LRP1B: variants seen among roughly 807,000 people sequenced by gnomAD.
LRP1B encodes low-density lipoprotein receptor-related protein 1B.
LRP1B carries 217 observed loss-of-function variants against 556.6 expected under a neutral mutation model. That is an observed-to-expected ratio of 0.39 (90% CI 0.35 to 0.44). The LOEUF (loss-of-function observed/expected upper bound fraction) is 0.44, where lower values mean the gene tolerates loss of function less well. LRP1B is among the 20% of genes least tolerant of loss of function. The pLI is 1.00. For synonymous variants in LRP1B, 2,047 were observed against 1,865.8 expected, an observed-to-expected ratio of 1.10 and a Z score of -2.50; for missense variants, 5,053 against 5,620.8, an observed-to-expected ratio of 0.90 and a Z score of 3.23.
chr2:140,419,638 A>G (rs887632117), intron 66 of LRP1B, among the ~76,000 whole-genome samples: 11 of 152,220 alleles, frequency 7.2e-5, no homozygotes, highest in African/African-American at 2.7e-4. Flanking sequence ...AAGACAAACA[A>G]AAAGCTGGAA....
chr2:140,703,145 C>G (rs911166468), intron 37 of LRP1B, among the ~76,000 whole-genome samples: 3 of 151,998 alleles, frequency 2.0e-5, no homozygotes, highest in Admixed American at 6.6e-5. Flanking sequence ...TCTATTTTTT[C>G]TACTTAGACT....
At chr2:140,534,194 C>T in intron 46 of LRP1B, 54 bp from the exon 47 acceptor site, 2 of 1,504,574 alleles carry the variant, frequency 1.3e-6, no homozygotes, top group Non-Finnish European at 1.8e-6. Flanking sequence ...AATATTTGTA[C>T]AAAATGAAAA....
intron 35 of LRP1B, among the ~76,000 whole-genome samples, chr2:140,735,665 T>C (rs1296855244): frequency 6.6e-6 from 1 of 152,176 alleles, no homozygotes. Flanking sequence ...CAGTCTTCCC[T>C]ATGCTAGTAC....
chr2:140,880,565 G>A (rs1342217606), intron 25 of LRP1B, among the ~76,000 whole-genome samples: 1 of 152,044 alleles, frequency 6.6e-6, no homozygotes, highest in Non-Finnish European at 1.5e-5. Flanking sequence ...TTTATGCTGG[G>A]GAAGCAAAGT....
intron 3 of LRP1B, among the ~76,000 whole-genome samples, chr2:141,350,568 A>G (rs1220331809): frequency 1.3e-5 from 2 of 152,100 alleles, no homozygotes; most frequent in African/African-American, 4.8e-5. Context: ...CAGAAATCAG[A>G]GAAAAAATCA....
intron 41 of LRP1B, among the ~76,000 whole-genome samples, chr2:140,634,661 A>C (rs1271956688): frequency 6.6e-6 from 1 of 152,012 alleles, no homozygotes; most frequent in Non-Finnish European, 1.5e-5. Flanking sequence ...ACATGACATG[A>C]TGAAAATGGC....
Position 140,346,518 on chromosome 2 carries a change from T to G in LRP1B, c.11892+4279A>C, listed in dbSNP as rs536370417. 2.2e-3 allele frequency among the ~76,000 whole-genome samples: 332 copies of G among 152,032 alleles called. 4 individuals carry two copies. Among genetic ancestry groups the G allele is most frequent in the African/African-American group, 7.8e-3 (323 of 41,536 alleles). On this transcript the variant is annotated intron_variant, in intron 77 of 90. Coordinates refer to ENST00000389484, the MANE Select transcript of LRP1B (RefSeq NM_018557.3). The stretch of plus-strand genomic sequence containing the variant: ...ATGTAATGATCTGATAGCTTTAGAT[T>G]TTTTCCACAATCATAATAAATGATT...
chr2:141,004,925 C>T (rs553077059), intron 15 of LRP1B, among the ~76,000 whole-genome samples: 1 of 152,096 alleles, frequency 6.6e-6, no homozygotes, highest in South Asian at 2.1e-4. Context: ...GTCTTTTTCC[C>T]TCCCTCCTTG....
At chr2:141,252,215 A>G (rs2105336011) in intron 4 of LRP1B, among the ~76,000 whole-genome samples, 1 of 150,410 alleles carries the variant, frequency 6.6e-6, no homozygotes, top group South Asian at 2.2e-4. Context: ...CCTAAAAAAA[A>G]AAAGGAAAGA....
intron 3 of LRP1B, 170 bp downstream of exon 3, chr2:141,480,226 T>A: frequency 1.4e-6 from 1 of 689,998 alleles, no homozygotes; most frequent in Non-Finnish European, 2.5e-6. Context: ...TCAAACATAA[T>A]ACTTGCAGCT....
intron 12 of LRP1B, among the ~76,000 whole-genome samples, chr2:141,017,702 T>A (rs1697946248): frequency 6.6e-6 from 1 of 151,694 alleles, no homozygotes; most frequent in Admixed American, 6.6e-5. Context: ...TATGCTTAAA[T>A]ATATATTGTG....
intron 3 of LRP1B, among the ~76,000 whole-genome samples, chr2:141,440,405 G>A (rs977003807): frequency 6.6e-6 from 1 of 152,236 alleles, no homozygotes; most frequent in African/African-American, 2.4e-5. Context: ...GCCCTGCCCT[G>A]CCCTGCGGAC....
intron 2 of LRP1B, among the ~76,000 whole-genome samples, chr2:141,698,391 C>G (rs1390878739): frequency 6.6e-6 from 1 of 151,182 alleles, no homozygotes; most frequent in African/African-American, 2.4e-5. Context: ...CCTAATGGAC[C>G]CAAGAATCAG....
intron 41 of LRP1B, among the ~76,000 whole-genome samples, chr2:140,688,356 C>A (rs1256375473): frequency 6.6e-6 from 1 of 152,118 alleles, no homozygotes; most frequent in Non-Finnish European, 1.5e-5. Context: ...CCTTTCCCAT[C>A]TCATTTTATC....
At chr2:142,050,339 TTCTAA>T (rs1345707250) in intron 1 of LRP1B, among the ~76,000 whole-genome samples, 1 of 152,162 alleles carries the variant, frequency 6.6e-6, no homozygotes, top group African/African-American at 2.4e-5. Flanking sequence ...ACCTTAATAA[TTCTAA>T]TCTAGTTATA....
At chr2:140,238,129 C>T (rs747904423) in intron 89 of LRP1B, 23 bp downstream of exon 89, 2 of 1,569,484 alleles carry the variant, frequency 1.3e-6, no homozygotes, top group Non-Finnish European at 1.7e-6. Flanking sequence ...GTGCTCACTG[C>T]CCATTATCTT....
intron 3 of LRP1B, among the ~76,000 whole-genome samples, chr2:141,273,725 T>C (rs1252152663): frequency 6.6e-6 from 1 of 152,156 alleles, no homozygotes; most frequent in East Asian, 1.9e-4. Context: ...AAAAAATACA[T>C]GCATTGGACT....
intron 6 of LRP1B, among the ~76,000 whole-genome samples, chr2:141,198,606 G>C (rs1681852819): frequency 6.6e-6 from 1 of 152,008 alleles, no homozygotes; most frequent in Non-Finnish European, 1.5e-5. Context: ...TTTGGGGGAG[G>C]AGGCACAGGT....
chr2:141,449,685 T>C (rs575956219), intron 3 of LRP1B, among the ~76,000 whole-genome samples: 1 of 152,336 alleles, frequency 6.6e-6, no homozygotes, highest in Admixed American at 6.5e-5. Context: ...ATCACATACA[T>C]AGAATCATTT....
Sources: gnomAD v4.1 joint callset for allele counts (sites outside exome capture counted in the v4.1 genomes callset) on GRCh38, gnomAD v4.1.1 for gene constraint, MANE v1.5 for transcripts, NCBI Gene and HGNC (gene_info 2026-07-23, HGNC 2026-07-21) for gene names.